Variants in RBFOX3 observed in about 807,000 individuals in gnomAD.
The protein encoded by RBFOX3 is RNA binding fox-1 homolog 3, also known as RNA binding protein fox-1 homolog 3.
RBFOX3 carries 17 observed loss-of-function variants against 48.7 expected under a neutral mutation model. The ratio of observed to expected loss-of-function variants is 0.35; its 90% CI spans 0.24 to 0.52. The LOEUF is 0.52. RBFOX3 is among the 20% of genes least tolerant of loss of function. RBFOX3 has a pLI of 0.94. For synonymous variants in RBFOX3, 212 were observed against 209.5 expected, an observed-to-expected ratio of 1.01 and a Z score of -0.10; for missense variants, 382 against 497.5, an observed-to-expected ratio of 0.77 and a Z score of 2.21.
In RBFOX3 at chr17:79,477,778, C is replaced by G. The variant is rs1214391088; in HGVS notation, c.-175+4676G>C. ...ATCCTTCCTAAATATTTTCCAAATA[C>G]ATTTCTTAATAGAAAAGGAATCACA... On this transcript the variant is annotated intron_variant, in intron 2 of 14. Coordinates refer to ENST00000693108, the MANE Select transcript of RBFOX3 (RefSeq NM_001350451.2). This position sits in a 1 kb window ranked among gnomAD's most constrained non-coding sequence, Gnocchi z 4.8. Among the ~76,000 whole-genome samples, 1 of 152,308 alleles carries G rather than the reference C, an allele frequency of 6.6e-6. No individual in the cohort carries two copies. Among genetic ancestry groups the G allele is most frequent in the Admixed American group, 6.5e-5 (1 of 15,290 alleles).
chr17:79,548,045 C>G (rs1029790692), intron 1 of RBFOX3, among the ~76,000 whole-genome samples: 11 of 152,360 alleles, frequency 7.2e-5, no homozygotes, highest in Admixed American at 6.5e-4. Context: ...TGTCTCCACC[C>G]ATTTCCTCAA....
rs886104461 is a variant in RBFOX3, at chr17:79,242,728, A to G, written c.-73-6923T>C. ...GCTTTGGGTTCTGAGCACACTGCCCATACTTAGGTCTGTGGGAAGGGCCAC... is the reference window on the plus strand; with the variant it reads ...GCTTTGGGTTCTGAGCACACTGCCCGTACTTAGGTCTGTGGGAAGGGCCAC... On this transcript the variant is annotated intron_variant, in intron 3 of 14. Coordinates refer to ENST00000693108, the MANE Select transcript of RBFOX3 (RefSeq NM_001350451.2). The surrounding 1 kb of genome is among the most constrained non-coding windows in gnomAD (Gnocchi z 5.8). 1.8e-4 allele frequency among the ~76,000 whole-genome samples: 27 copies of G among 152,092 alleles called. No individual in the cohort carries two copies. The highest frequency in any genetic ancestry group is 5.3e-4 in the African/African-American group (22 of 41,428).
chr17:79,319,225 G>C (rs183114791), intron 2 of RBFOX3, among the ~76,000 whole-genome samples: 2 of 152,248 alleles, frequency 1.3e-5, no homozygotes, highest in African/African-American at 4.8e-5. Context: ...ACAAAGTTTT[G>C]ACATATTGGA....
intron 2 of RBFOX3, among the ~76,000 whole-genome samples, chr17:79,430,548 T>C (rs926456969): frequency 3.9e-5 from 6 of 152,200 alleles, no homozygotes; most frequent in Non-Finnish European, 8.8e-5. Flanking sequence ...GCTCGACTAA[T>C]ATTATTATTA....
chr17:79,280,846 G>GT (rs1005793643), intron 3 of RBFOX3, among the ~76,000 whole-genome samples: 3 of 150,322 alleles, frequency 2.0e-5, no homozygotes, highest in Non-Finnish European at 1.5e-5. Context: ...CATTGTGGGG[G>GT]GGGGGAGGGG....
chr17:79,174,784 G>T (rs2050175266), intron 4 of RBFOX3, among the ~76,000 whole-genome samples: 2 of 152,228 alleles, frequency 1.3e-5, no homozygotes, highest in Admixed American at 1.3e-4. Context: ...CTTAGCACAG[G>T]GCCCGGCACA....
At chr17:79,225,757 C>T (rs2060242244) in intron 4 of RBFOX3, among the ~76,000 whole-genome samples, 1 of 152,232 alleles carries the variant, frequency 6.6e-6, no homozygotes, top group African/African-American at 2.4e-5. Context: ...GCAGCAAGTC[C>T]ACAAATGTGT....
chr17:79,492,993 G>C (rs8070170), intron 1 of RBFOX3, among the ~76,000 whole-genome samples: 3 of 151,958 alleles, frequency 2.0e-5, no homozygotes, highest in African/African-American at 7.3e-5. Context: ...GCTATACAGA[G>C]ATGCCTGAGG....
At chr17:79,350,943 G>A (rs1486300017) in intron 2 of RBFOX3, among the ~76,000 whole-genome samples, 1 of 151,916 alleles carries the variant, frequency 6.6e-6, no homozygotes. Context: ...GCATCCCCTG[G>A]TAACCTCTAA....
At chr17:79,642,095 AG>A in the RBFOX3 span, among the ~76,000 whole-genome samples, 1 of 152,282 alleles carries the variant, frequency 6.6e-6, no homozygotes. Context: ...CATTATGTTA[AG>A]TGAAATAAGC....
At chr17:79,143,387 G>T (rs563603188) in intron 4 of RBFOX3, among the ~76,000 whole-genome samples, 16 of 137,864 alleles carry the variant, frequency 1.2e-4, no homozygotes, top group Non-Finnish European at 1.1e-4. Flanking sequence ...GGGTGGGGGG[G>T]GGTTCTATAA....
intron 2 of RBFOX3, among the ~76,000 whole-genome samples, chr17:79,446,239 C>T (rs1395008286): frequency 1.3e-5 from 2 of 152,150 alleles, no homozygotes; most frequent in Non-Finnish European, 2.9e-5. Context: ...TCCATCATTC[C>T]CATACTCCAA....
chr17:79,538,613 G>C (rs937329422), intron 1 of RBFOX3, among the ~76,000 whole-genome samples: 7 of 152,248 alleles, frequency 4.6e-5, no homozygotes, highest in African/African-American at 1.4e-4. Context: ...CTGCCTTTAG[G>C]GCAGCAGTAG....
intron 1 of RBFOX3, among the ~76,000 whole-genome samples, chr17:79,503,838 T>C (rs2082697029): frequency 6.6e-6 from 1 of 152,024 alleles, no homozygotes; most frequent in Non-Finnish European, 1.5e-5. Context: ...TGAAGGAGGG[T>C]GTTTGCCTGA....
At chr17:79,386,094 C>T (rs1307858473) in intron 2 of RBFOX3, among the ~76,000 whole-genome samples, 3 of 147,316 alleles carry the variant, frequency 2.0e-5, no homozygotes, top group Admixed American at 1.3e-4. Flanking sequence ...GAACCTCCTA[C>T]ACCAGACGGG....
chr17:79,217,614 G>A (rs966584615), intron 4 of RBFOX3, among the ~76,000 whole-genome samples: 1 of 152,086 alleles, frequency 6.6e-6, no homozygotes, highest in Non-Finnish European at 1.5e-5. Context: ...GGGTGGGGGT[G>A]CAGAGGAGGA....
intron 1 of RBFOX3, among the ~76,000 whole-genome samples, chr17:79,555,600 G>C (rs1228179816): frequency 2.4e-4 from 1 of 4,200 alleles, no homozygotes; most frequent in East Asian, 5.2e-3. Context: ...CAATGATAAT[G>C]GTGGTGATGG....
chr17:79,450,401 T>G (rs1555740841), intron 2 of RBFOX3, among the ~76,000 whole-genome samples: 1 of 152,078 alleles, frequency 6.6e-6, no homozygotes, highest in Non-Finnish European at 1.5e-5. Flanking sequence ...CCTACAGATG[T>G]GAAGAGGCAA....
At chr17:79,224,554 C>T (rs762060852) in intron 4 of RBFOX3, among the ~76,000 whole-genome samples, 5 of 152,202 alleles carry the variant, frequency 3.3e-5, no homozygotes, top group Non-Finnish European at 5.9e-5. Flanking sequence ...CAGGGTGAAA[C>T]TAACATTCCA....
Sources: gnomAD v4.1 joint callset for allele counts (sites outside exome capture counted in the v4.1 genomes callset) on GRCh38, gnomAD v4.1.1 for gene constraint, Gnocchi (gnomAD v3.1) non-coding constraint, MANE v1.5 for transcripts, NCBI Gene and HGNC (gene_info 2026-07-23, HGNC 2026-07-21) for gene names.